ATP10D: variants seen among roughly 807,000 people sequenced by gnomAD.
ATP10D encodes the protein phospholipid-transporting ATPase VD.
In ATP10D, 89 loss-of-function variants were observed where a neutral mutation model predicts 144.8. The ratio of observed to expected loss-of-function variants is 0.61; its 90% CI spans 0.52 to 0.73. The LOEUF is 0.73. Ranked by LOEUF, ATP10D falls within the 30% of genes least tolerant of loss-of-function variation. The pLI, the probability that ATP10D is intolerant of heterozygous loss-of-function variation, is 0.00. For synonymous variants in ATP10D, 571 were observed against 615.1 expected, an observed-to-expected ratio of 0.93 and a Z score of 1.06; for missense variants, 1,603 against 1,714.8, an observed-to-expected ratio of 0.93 and a Z score of 1.15.
At chr4:47,561,240 G>T (rs566650976) in intron 14 of ATP10D, among the ~76,000 whole-genome samples, 165 bp downstream of exon 14, 11 of 152,168 alleles carry the variant, frequency 7.2e-5, no homozygotes, top group African/African-American at 2.4e-4. Flanking sequence ...CTATTCTGTT[G>T]TCCACTGCAG....
intron 1 of ATP10D, among the ~76,000 whole-genome samples, chr4:47,487,321 T>C (rs192799583): frequency 1.7e-3 from 259 of 152,110 alleles, no homozygotes; most frequent in Non-Finnish European, 2.6e-3. Flanking sequence ...TAATTTATAA[T>C]AGAACAGAGG....
intron 9 of ATP10D, among the ~76,000 whole-genome samples, chr4:47,543,327 T>C (rs979265364): frequency 6.6e-6 from 1 of 152,202 alleles, no homozygotes; most frequent in African/African-American, 2.4e-5. Context: ...GAAACTTCTG[T>C]ATTTTTAAAA....
In ATP10D at chr4:47,558,628, A is replaced by G. The variant is rs1412380169; in HGVS notation, c.2435-295A>G. Among the ~76,000 whole-genome samples, 8 of 152,228 alleles carry G rather than the reference A, an allele frequency of 5.3e-5. No homozygotes were observed. In the East Asian group the frequency reaches 1.5e-3, roughly 29 times the overall value. On this transcript the variant is annotated intron_variant, in intron 12 of 22. Coordinates refer to ENST00000273859, the MANE Select transcript of ATP10D (RefSeq NM_020453.4). ...GAGCCTTTGGCCAAGTGCCTAGCAA[A>G]TGGAAAGTGCCCAATAAATGTCAGC...
chr4:47,511,219 C>G (rs1415899869), intron 1 of ATP10D, among the ~76,000 whole-genome samples: 1 of 152,124 alleles, frequency 6.6e-6, no homozygotes, highest in Non-Finnish European at 1.5e-5. Context: ...TTATTTTGGC[C>G]AGTCAATCTT....
At position 47,527,863 on chromosome 4, in the gene ATP10D, A is replaced by G. The variant is rs553412558; in HGVS notation, c.776+2221A>G. Among the ~76,000 whole-genome samples the G allele has an allele frequency of 2.1e-3, 327 of 152,282 alleles. 1 individual carries two copies. Among genetic ancestry groups the G allele is most frequent in the African/African-American group, 7.2e-3 (299 of 41,556 alleles). Reference sequence around the variant, plus strand: ...AAAAAGCTAAGCATATGCCCATTATATAACATGGCCATCCCACTCCTAGAC... The same window carrying G: ...AAAAAGCTAAGCATATGCCCATTATGTAACATGGCCATCCCACTCCTAGAC... On this transcript the variant is annotated intron_variant, in intron 5 of 22. Coordinates refer to ENST00000273859, the MANE Select transcript of ATP10D (RefSeq NM_020453.4).
At chr4:47,532,861 T>C (rs1433098842) in intron 5 of ATP10D, among the ~76,000 whole-genome samples, 1 of 152,168 alleles carries the variant, frequency 6.6e-6, no homozygotes, top group Non-Finnish European at 1.5e-5. Flanking sequence ...GACTGCATGT[T>C]TGTTTTTCTA....
At chr4:47,517,824 A>G (rs1346833137) in intron 3 of ATP10D, among the ~76,000 whole-genome samples, 2 of 152,164 alleles carry the variant, frequency 1.3e-5, no homozygotes, top group Non-Finnish European at 2.9e-5. Context: ...CATAGTCCAG[A>G]TTGATTTTCA....
Position 47,536,854 on chromosome 4 carries a change from G to A in ATP10D, c.1312G>A (p.Asp438Asn), listed in dbSNP as rs770384605. Residue 438 changes from aspartate to asparagine, a missense_variant, in exon 9 of 23, where the codon GAT becomes AAT. Transcript: ENST00000273859. Reference sequence around the variant, plus strand: ...GGGACAGATTCAGTACCTCTTTTCCGATAAGACAGGAACCCTCACTGAGAA... The same window carrying A: ...GGGACAGATTCAGTACCTCTTTTCCAATAAGACAGGAACCCTCACTGAGAA... ...DLGQIQYLFS[D>N]KTGTLTENKM... 8 of 1,613,346 alleles carry A rather than the reference G, an allele frequency of 5.0e-6. No homozygotes were observed. The highest frequency in any genetic ancestry group is 4.4e-5 in the South Asian group (4 of 91,044).
chr4:47,541,606 A>G (rs1718137994), intron 9 of ATP10D, among the ~76,000 whole-genome samples: 1 of 152,248 alleles, frequency 6.6e-6, no homozygotes, highest in Non-Finnish European at 1.5e-5. Flanking sequence ...GATTTAGTTC[A>G]TAGTGAAAGG....
At chr4:47,544,028 G>A (rs531271536) in intron 9 of ATP10D, among the ~76,000 whole-genome samples, 1 of 146,930 alleles carries the variant, frequency 6.8e-6, no homozygotes, top group Non-Finnish European at 1.5e-5. Context: ...TTAAGCAGGG[G>A]ATATTGGCCA....
chr4:47,511,885 A>C (rs755343327), intron 1 of ATP10D, among the ~76,000 whole-genome samples: 2 of 152,206 alleles, frequency 1.3e-5, no homozygotes, highest in African/African-American at 2.4e-5. Context: ...GTGAGAGAGA[A>C]TAAGCTCCAG....
rs555989054 is a variant in ATP10D at position 47,533,195 on chromosome 4, G to A, written c.777-2314G>A. On this transcript the variant is annotated intron_variant, in intron 5 of 22. Coordinates refer to ENST00000273859, the MANE Select transcript of ATP10D (RefSeq NM_020453.4). ...AATTCTTTCCTATAAGGACTCTAGG[G>A]ATAAGAAAAAAAAAATGCCACATTG... Among the ~76,000 whole-genome samples the A allele has an allele frequency of 5.4e-5, 8 of 147,516 alleles. No homozygotes were observed. In the East Asian group the frequency reaches 1.6e-3, roughly 29 times the overall value.
At chr4:47,577,055 C>A in intron 19 of ATP10D, 82 bp downstream of exon 19, 1 of 1,201,494 alleles carries the variant, frequency 8.3e-7, no homozygotes, top group Non-Finnish European at 1.2e-6. Flanking sequence ...CAAAATATTG[C>A]AGTCTACTCA....
intron 1 of ATP10D, among the ~76,000 whole-genome samples, chr4:47,487,224 C>G (rs1219423153): frequency 1.7e-5 from 1 of 58,652 alleles, no homozygotes. Context: ...AGCAAAACTC[C>G]GTCCCCCAAA....
intron 10 of ATP10D, among the ~76,000 whole-genome samples, chr4:47,549,967 T>C (rs1358695077): frequency 9.9e-5 from 14 of 141,382 alleles, no homozygotes; most frequent in African/African-American, 3.6e-4. Flanking sequence ...TTTTTTTTTT[T>C]CAGGACTGTG....
At chr4:47,580,525 T>C (rs1287226644) in intron 20 of ATP10D, 47 bp downstream of exon 20, 1 of 1,531,588 alleles carries the variant, frequency 6.5e-7, no homozygotes, top group Admixed American at 1.7e-5. Context: ...GAATCAATGA[T>C]GCTTCTTTGT....
At chr4:47,540,002 G>C (rs1414792082) in intron 9 of ATP10D, among the ~76,000 whole-genome samples, 1 of 152,238 alleles carries the variant, frequency 6.6e-6, no homozygotes, top group South Asian at 2.1e-4. Context: ...GGGAACCAAA[G>C]TTCTAGAGGT....
intron 1 of ATP10D, among the ~76,000 whole-genome samples, chr4:47,501,597 A>G (rs1268628999): frequency 6.6e-6 from 1 of 152,140 alleles, no homozygotes; most frequent in Non-Finnish European, 1.5e-5. Flanking sequence ...ACTGCCCTGT[A>G]TCAGAGCCCT....
At chr4:47,551,043 C>G (rs10006939) in intron 10 of ATP10D, among the ~76,000 whole-genome samples, 37,068 of 152,190 alleles carry the variant, frequency 0.24, 4,501 homozygotes, top group Admixed American at 0.3. Context: ...CTCCCGCTGT[C>G]CTCTCAGGCA....
Sources: allele counts gnomAD v4.1 joint callset (sites outside exome capture counted in the v4.1 genomes callset), GRCh38; gene constraint gnomAD v4.1.1; transcripts MANE v1.5; gene names NCBI Gene and HGNC (gene_info 2026-07-23, HGNC 2026-07-21).